The following COG7 variants were observed in gnomAD, a reference collection of about 807,000 sequenced individuals.
The protein encoded by COG7 is conserved oligomeric Golgi complex subunit 7.
In COG7, 49 loss-of-function variants were observed where a neutral mutation model predicts 91.5. That is an observed-to-expected ratio of 0.54 (90% confidence interval 0.43 to 0.68). The LOEUF is 0.68. Ranked by LOEUF, COG7 falls within the 30% of genes least tolerant of loss-of-function variation. COG7 has a pLI of 0.00. For synonymous variants in COG7, 365 were observed against 388.7 expected (o/e 0.94, Z 0.72); for missense variants, 895 against 961.3 (o/e 0.93, Z 0.91).
intron 5 of COG7, among the ~76,000 whole-genome samples, chr16:23,434,118 T>C (rs1963976860): frequency 6.6e-6 from 1 of 152,022 alleles, no homozygotes; most frequent in East Asian, 1.9e-4. Flanking sequence ...CTAGAAAACA[T>C]AAAATTCCAA....
intron 1 of COG7, chr16:23,446,639 A>G (rs2142096955): frequency 6.5e-6 from 1 of 153,548 alleles, no homozygotes; most frequent in Middle Eastern, 3.3e-3. Context: ...TTCAGTAGAG[A>G]CGGGGTTTCA....
chr16:23,445,370 G>A (rs575394969), intron 2 of COG7, among the ~76,000 whole-genome samples: 2 of 152,104 alleles, frequency 1.3e-5, no homozygotes, highest in South Asian at 4.2e-4. Flanking sequence ...TAGTTTCGGG[G>A]AGCCAGGCAC....
At chr16:23,423,108 G>A (rs1350263952) in intron 7 of COG7, among the ~76,000 whole-genome samples, 5 of 150,888 alleles carry the variant, frequency 3.3e-5, no homozygotes, top group Non-Finnish European at 7.4e-5. Flanking sequence ...CACACCTGCT[G>A]TAATCCCAGC....
rs757896550 is a variant in COG7, at chr16:23,403,742, G to C, written c.1755C>G (p.Ser585=). ...GCTGTTGTTTGATGCGCAGGAACAC[G>C]GAATCGAAAGCCAGCTGGTGGGCCT... The part of the protein sequence containing the change: ...NQQAHQLAFD[S]VFLRIKQQLL... Residue 585 remains serine (S), a synonymous_variant, in exon 13 of 17, where the codon TCC becomes TCG. Coordinates refer to ENST00000307149, the MANE Select transcript of COG7 (RefSeq NM_153603.4). The C allele has an allele frequency of 1.2e-6, 2 of 1,614,190 alleles. No homozygotes were observed. The highest frequency in any genetic ancestry group is 2.2e-5 in the South Asian group (2 of 91,086).
chr16:23,442,396 G>A, intron 4 of COG7, 81 bp downstream of exon 4: 1 of 1,179,614 alleles, frequency 8.5e-7, no homozygotes, highest in Non-Finnish European at 1.3e-6. Flanking sequence ...TCACCATTAA[G>A]ACATTCTAAA....
intron 14 of COG7, among the ~76,000 whole-genome samples, chr16:23,395,867 G>A (rs1302452695): frequency 2.6e-5 from 4 of 152,234 alleles, no homozygotes; most frequent in African/African-American, 9.6e-5. Flanking sequence ...TGGAGTTTTG[G>A]CTCTATCACT....
At chr16:23,398,383 T>C (rs962741078) in intron 13 of COG7, among the ~76,000 whole-genome samples, 2 of 152,202 alleles carry the variant, frequency 1.3e-5, no homozygotes, top group Admixed American at 6.5e-5. Context: ...AACTGCCACA[T>C]TGGCTGAACT....
chr16:23,446,379 C>T (rs1400396112), intron 1 of COG7: 3 of 259,886 alleles, frequency 1.2e-5, no homozygotes, highest in Non-Finnish European at 2.2e-5. Context: ...AGTAACTTGC[C>T]CAAGATCTTA....
At chr16:23,448,146 C>T (rs1488565500) in intron 1 of COG7, among the ~76,000 whole-genome samples, 1 of 152,102 alleles carries the variant, frequency 6.6e-6, no homozygotes, top group Admixed American at 6.6e-5. Context: ...GCCCTTGTCT[C>T]ATCTTGCATA....
At chr16:23,451,461 C>T (rs1353635337) in intron 1 of COG7, among the ~76,000 whole-genome samples, 2 of 152,120 alleles carry the variant, frequency 1.3e-5, no homozygotes, top group African/African-American at 4.8e-5. Flanking sequence ...CACCAGTAAT[C>T]CTAGGGCTTT....
intron 4 of COG7, among the ~76,000 whole-genome samples, chr16:23,436,948 C>A (rs1227828892): frequency 5.9e-5 from 9 of 152,116 alleles, no homozygotes. Flanking sequence ...GATATCTAAT[C>A]ACTTTGGGCC....
intron 16 of COG7, among the ~76,000 whole-genome samples, chr16:23,391,064 G>C (rs966597857): frequency 6.6e-6 from 1 of 152,204 alleles, no homozygotes; most frequent in African/African-American, 2.4e-5. Context: ...TACCCTGTCA[G>C]TTTCATATAC....
intron 4 of COG7, among the ~76,000 whole-genome samples, chr16:23,438,134 T>C (rs938408082): frequency 1.3e-5 from 2 of 148,602 alleles, no homozygotes; most frequent in Middle Eastern, 6.9e-3. Context: ...ATTTTATCAA[T>C]AATAGAATGA....
chr16:23,429,488 T>C (rs1189228705), intron 6 of COG7, among the ~76,000 whole-genome samples: 3 of 151,818 alleles, frequency 2.0e-5, no homozygotes, highest in African/African-American at 7.3e-5. Context: ...ACAGGCTGGG[T>C]GCAGTGGCTC....
intron 14 of COG7, among the ~76,000 whole-genome samples, chr16:23,395,727 G>T (rs923255939): frequency 3.3e-5 from 5 of 152,218 alleles, no homozygotes; most frequent in Non-Finnish European, 7.3e-5. Flanking sequence ...GGAAAGGGCT[G>T]CTTAGCATCC....
chr16:23,448,479 G>A (rs562541857), intron 1 of COG7, among the ~76,000 whole-genome samples: 3 of 152,190 alleles, frequency 2.0e-5, no homozygotes, highest in Admixed American at 6.6e-5. Flanking sequence ...TTAATTTTTT[G>A]TAGAGATAGG....
chr16:23,438,592 G>C (rs888508965), intron 4 of COG7, among the ~76,000 whole-genome samples: 1 of 151,876 alleles, frequency 6.6e-6, no homozygotes, highest in African/African-American at 2.4e-5. Context: ...ATGGGGAAAG[G>C]ATTTGAATAG....
intron 1 of COG7, among the ~76,000 whole-genome samples, chr16:23,449,975 C>A (rs894774341): frequency 6.6e-6 from 1 of 151,938 alleles, no homozygotes; most frequent in African/African-American, 2.4e-5. Context: ...CACTCTGTCA[C>A]CCAGGCTGGA....
chr16:23,414,951 C>T (rs1468758828), intron 9 of COG7: 1 of 152,242 alleles, frequency 6.6e-6, no homozygotes, highest in African/African-American at 2.4e-5. Context: ...TGTGAGGACC[C>T]AGGGCACAGC....
Sources: gnomAD v4.1 joint callset for allele counts (sites outside exome capture counted in the v4.1 genomes callset) on GRCh38, gnomAD v4.1.1 for gene constraint, MANE v1.5 for transcripts, NCBI Gene and HGNC (gene_info 2026-07-23, HGNC 2026-07-21) for gene names.